Variants in RANBP9 observed in about 807,000 individuals in gnomAD.
RANBP9 encodes the protein ran-binding protein 9.
A neutral mutation model predicts 84.3 loss-of-function variants in RANBP9; 15 were observed. The ratio of observed to expected loss-of-function variants is 0.18; its 90% CI spans 0.12 to 0.27. The LOEUF (loss-of-function observed/expected upper bound fraction) is 0.27, where lower values mean the gene tolerates loss of function less well. Among genes scored for constraint, RANBP9 ranks in the 10% least tolerant of loss-of-function variants. The probability of loss-of-function intolerance (pLI) is 1.00; values close to 1 mark genes in which losing one functional copy is unlikely to be tolerated. For synonymous variants in RANBP9, 392 were observed against 349.6 expected (o/e 1.12, Z -1.35); for missense variants, 809 against 912.8 (o/e 0.89, Z 1.46).
At chr6:13,633,950 T>C (rs1244724130) in intron 11 of RANBP9, among the ~76,000 whole-genome samples, 1 of 170 alleles carries the variant, frequency 5.9e-3, no homozygotes, top group Non-Finnish European at 0.014. Flanking sequence ...GTGGTGGGGT[T>C]TTTTTTTTTG....
chr6:13,646,566 CTAAA>C (rs1280587352), intron 5 of RANBP9, among the ~76,000 whole-genome samples: 3 of 152,140 alleles, frequency 2.0e-5, no homozygotes, highest in African/African-American at 7.2e-5. Flanking sequence ...TCAGTATTGT[CTAAA>C]TAAAGACATT....
rs1164073062 is a variant in RANBP9, at chr6:13,688,982, C to CAAAAAAA, written c.683+7796_683+7802dup. ...TGCAACATACCGAGACCCATCTCCACAAAAAAAAAAAAAAAAAAAAAATGC... is the reference window on the plus strand; with the variant it reads ...TGCAACATACCGAGACCCATCTCCACAAAAAAAAAAAAAAAAAAAAAAAAAAAAATGC... On this transcript the variant is annotated intron_variant, in intron 2 of 13. Transcript: ENST00000011619. 2.4e-3 allele frequency among the ~76,000 whole-genome samples: 72 copies of CAAAAAAA among 29,940 alleles called. 3 individuals are homozygous for CAAAAAAA. Among genetic ancestry groups the CAAAAAAA allele is most frequent in the African/African-American group, 6.8e-3 (65 of 9,564 alleles). The allele number at this position is 29,940 out of a possible 152,430, so 19.6% of individuals were successfully genotyped here. A position where few individuals can be genotyped will look rare whatever the true frequency, so the allele number is the denominator to read the frequency against.
In RANBP9 at chr6:13,637,898, T is replaced by C; in HGVS notation, c.1583A>G (p.His528Arg). The C allele has an allele frequency of 6.2e-7, 1 of 1,609,444 alleles. No homozygotes were observed. Among genetic ancestry groups the C allele is most frequent in the Non-Finnish European group, 8.5e-7 (1 of 1,176,048 alleles). ...GTTGGATGACTGGTGTTTATTACTA[T>C]GGCAATATGATTGATGTGCTTTATT... ...ISNKAHQSYCHSNKHQSSNLN... is the reference protein window; with the variant it reads ...ISNKAHQSYCRSNKHQSSNLN... The change falls in exon 10 of 14, where the codon CAT becomes CGT. Residue 528 changes from histidine (H) to arginine (R), a missense_variant. By Grantham distance (29) the His-to-Arg change is conservative. Around this residue, in one of 5 missense-constraint regions of RANBP9, gnomAD observed 216 missense variants for 329.0 expected, o/e 0.66. Coordinates refer to ENST00000011619, the MANE Select transcript of RANBP9 (RefSeq NM_005493.3).
At chr6:13,649,461 GAAAAAAAAAA>G (rs375894187) in intron 5 of RANBP9, among the ~76,000 whole-genome samples, 1 of 92,690 alleles carries the variant, frequency 1.1e-5, no homozygotes, top group African/African-American at 3.9e-5. Flanking sequence ...TGCCACAACA[GAAAAAAAAAA>G]AAAAAAAAAA....
intron 5 of RANBP9, among the ~76,000 whole-genome samples, chr6:13,650,764 A>G (rs1243580085): frequency 1.3e-5 from 2 of 152,150 alleles, no homozygotes; most frequent in Non-Finnish European, 2.9e-5. Flanking sequence ...AATCATGGGC[A>G]TCAGCCTCGG....
chr6:13,628,551 A>T (rs1257369557), intron 12 of RANBP9, among the ~76,000 whole-genome samples: 1 of 152,236 alleles, frequency 6.6e-6, no homozygotes, highest in East Asian at 1.9e-4. Flanking sequence ...TTTTAGAAGG[A>T]TCACACAAAA....
At chr6:13,680,121 A>G (rs780127296) in intron 2 of RANBP9, among the ~76,000 whole-genome samples, 1 of 152,090 alleles carries the variant, frequency 6.6e-6, no homozygotes. Flanking sequence ...CAGGTTTTCC[A>G]GTTTTTACCA....
At chr6:13,708,821 A>T (rs542418566) in intron 1 of RANBP9, among the ~76,000 whole-genome samples, 37 of 143,408 alleles carry the variant, frequency 2.6e-4, no homozygotes, top group African/African-American at 7.4e-4. Context: ...CGGAAAACTC[A>T]CACACACACA....
At chr6:13,628,167 G>T (rs1429241549) in intron 12 of RANBP9, among the ~76,000 whole-genome samples, 1 of 152,200 alleles carries the variant, frequency 6.6e-6, no homozygotes, top group African/African-American at 2.4e-5. Context: ...AACTGAGGCA[G>T]TGAATAGTAA....
rs1393203333 is a variant in RANBP9, at chr6:13,625,747, T to G, written c.1965A>C (p.Leu655=). The G allele has an allele frequency of 1.2e-6, 2 of 1,608,232 alleles. No individual in the cohort carries two copies. The highest frequency in any genetic ancestry group is 3.3e-5 in the Admixed American group (2 of 60,006). Reference sequence around the variant, plus strand: ...GGCTGTTCCAGGGATCTGAATATGCTAGTAGACTGAATGCATCCTGTTGAA... The same window carrying G: ...GGCTGTTCCAGGGATCTGAATATGCGAGTAGACTGAATGCATCCTGTTGAA... ...KKMLKDAFSL[L]AYSDPWNSPV... The change falls in exon 13 of 14, where the codon CTA becomes CTC. Residue 655 remains leucine (L), a synonymous_variant. Transcript: ENST00000011619.
At chr6:13,633,253 C>T (rs1454476679) in intron 11 of RANBP9, among the ~76,000 whole-genome samples, 2 of 152,132 alleles carry the variant, frequency 1.3e-5, no homozygotes, top group Non-Finnish European at 2.9e-5. Context: ...TCAGGCTGGT[C>T]TCAAACTCCT....
intron 10 of RANBP9, among the ~76,000 whole-genome samples, chr6:13,635,427 C>T (rs1045339532): frequency 2.6e-5 from 4 of 151,772 alleles, no homozygotes; most frequent in African/African-American, 2.4e-5. Flanking sequence ...AGTAAACACT[C>T]GATGAAATTT....
intron 2 of RANBP9, among the ~76,000 whole-genome samples, chr6:13,667,642 A>T (rs1345274938): frequency 6.6e-6 from 1 of 152,168 alleles, no homozygotes; most frequent in Non-Finnish European, 1.5e-5. Context: ...ATTTAGATAC[A>T]CAAAACCATT....
At chr6:13,697,011 T>TA (rs1757845017) in intron 1 of RANBP9, 115 bp from the exon 2 acceptor site, 1 of 796,960 alleles carries the variant, frequency 1.3e-6, no homozygotes, top group Admixed American at 3.0e-5. Context: ...TTTCTGCTCC[T>TA]ATCAGTTCAA....
At chr6:13,623,806 G>A (rs931902216) in intron 13 of RANBP9, among the ~76,000 whole-genome samples, 2 of 152,090 alleles carry the variant, frequency 1.3e-5, no homozygotes, top group African/African-American at 4.8e-5. Flanking sequence ...ATATTAATAA[G>A]ATTAAGCACT....
At chr6:13,709,467 T>C (rs552544492) in intron 1 of RANBP9, among the ~76,000 whole-genome samples, 20 of 152,336 alleles carry the variant, frequency 1.3e-4, no homozygotes, top group African/African-American at 4.8e-4. Flanking sequence ...AACAATAGCT[T>C]TCTGGCAGCC....
intron 2 of RANBP9, among the ~76,000 whole-genome samples, chr6:13,676,389 T>A (rs1324571336): frequency 6.6e-6 from 1 of 151,592 alleles, no homozygotes; most frequent in Non-Finnish European, 1.5e-5. Flanking sequence ...AAGGAAGAAA[T>A]AACACAACTG....
At chr6:13,684,955 T>A (rs775943385) in intron 2 of RANBP9, among the ~76,000 whole-genome samples, 7 of 152,198 alleles carry the variant, frequency 4.6e-5, no homozygotes, top group African/African-American at 7.2e-5. Context: ...TCCCACCTAC[T>A]GGGCAAAGAA....
At chr6:13,671,197 ATAGCTGG>A (rs1435341487) in intron 2 of RANBP9, among the ~76,000 whole-genome samples, 2 of 152,208 alleles carry the variant, frequency 1.3e-5, no homozygotes, top group African/African-American at 4.8e-5. Flanking sequence ...TGCAACTATC[ATAGCTGG>A]TAGTAAGTAA....
Sources: allele counts gnomAD v4.1 joint callset (sites outside exome capture counted in the v4.1 genomes callset), GRCh38; gene constraint gnomAD v4.1.1; regional missense constraint gnomAD v4.1.1; transcripts MANE v1.5; gene names NCBI Gene and HGNC (gene_info 2026-07-23, HGNC 2026-07-21).